Variants in FGF12 observed in about 807,000 individuals in gnomAD.
FGF12 encodes fibroblast growth factor 12, also known as fibroblast growth factor 12B.
FGF12 carries 14 observed loss-of-function variants against 23.6 expected under a neutral mutation model. That is an observed-to-expected ratio of 0.59 (90% CI 0.39 to 0.93). The LOEUF is 0.93. Ranked by LOEUF, FGF12 falls within the 40% of genes least tolerant of loss-of-function variation. The pLI is 0.00. For synonymous variants in FGF12, 62 were observed against 77.3 expected, an observed-to-expected ratio of 0.80 and a Z score of 1.04; for missense variants, 175 against 217.8, an observed-to-expected ratio of 0.80 and a Z score of 1.24.
intron 2 of FGF12, among the ~76,000 whole-genome samples, chr3:192,653,693 C>T (rs1716293018): frequency 6.7e-6 from 1 of 150,126 alleles, no homozygotes; most frequent in South Asian, 2.1e-4. Flanking sequence ...AAATAAAACT[C>T]TTTCAATATA....
chr3:192,370,886 A>T (rs1007441041), intron 2 of FGF12, among the ~76,000 whole-genome samples: 9 of 152,238 alleles, frequency 5.9e-5, no homozygotes, highest in Non-Finnish European at 1.2e-4. Context: ...ATCCGAATCA[A>T]TCGTCATCTT....
chr3:192,166,815 C>A (rs1433904707), intron 5 of FGF12, among the ~76,000 whole-genome samples: 1 of 151,878 alleles, frequency 6.6e-6, no homozygotes, highest in Admixed American at 6.6e-5. Context: ...AGGTGTTTGG[C>A]CTAAAACCAA....
chr3:192,562,578 A>T (rs2108595676), intron 2 of FGF12, among the ~76,000 whole-genome samples: 1 of 152,320 alleles, frequency 6.6e-6, no homozygotes, highest in East Asian at 1.9e-4. Flanking sequence ...TATATAGGCC[A>T]TCTTGTCGCC....
intron 4 of FGF12, among the ~76,000 whole-genome samples, chr3:192,235,487 C>T (rs1355234440): frequency 6.6e-6 from 1 of 152,068 alleles, no homozygotes; most frequent in Non-Finnish European, 1.5e-5. Flanking sequence ...CCACACCCAG[C>T]TAATTTTTGT....
At chr3:192,218,596 C>T (rs1020827015) in intron 4 of FGF12, among the ~76,000 whole-genome samples, 1 of 152,304 alleles carries the variant, frequency 6.6e-6, no homozygotes, top group East Asian at 1.9e-4. Flanking sequence ...TTCCTGAGGC[C>T]TCCCCAGAAG....
At chr3:192,636,302 A>T (rs1170150639) in intron 2 of FGF12, among the ~76,000 whole-genome samples, 1 of 152,234 alleles carries the variant, frequency 6.6e-6, no homozygotes. Context: ...ATTAAATAAA[A>T]GTTGAAATTT....
At chr3:192,371,068 C>T (rs985501180) in intron 2 of FGF12, among the ~76,000 whole-genome samples, 10 of 152,260 alleles carry the variant, frequency 6.6e-5, no homozygotes, top group African/African-American at 1.7e-4. Flanking sequence ...TGGTCTTTCT[C>T]AAATGATCAC....
Position 192,167,772 on chromosome 3 carries a change from A to ATATATATT in FGF12, c.427+2685_427+2686insAATATATA, listed in dbSNP as rs1715302128. On this transcript the variant is annotated intron_variant, in intron 5 of 5. Coordinates refer to ENST00000445105, the MANE Select transcript of FGF12 (RefSeq NM_004113.6). ...ATATATATATATATATATATATAAA[A>ATATATATT]TTTTTTTTTTTTTTTTTTTTTGAGA... is the stretch of plus-strand genomic sequence containing the variant. Among the ~76,000 whole-genome samples, 30 of 15,394 alleles carry ATATATATT rather than the reference A, an allele frequency of 1.9e-3. 3 individuals carry two copies. Among genetic ancestry groups the ATATATATT allele is most frequent in the African/African-American group, 4.5e-3 (20 of 4,466 alleles). The allele number at this position is 15,394 out of a possible 152,430, so 10.1% of individuals were successfully genotyped here.
At chr3:192,257,422 C>T (rs908773880) in intron 4 of FGF12, among the ~76,000 whole-genome samples, 1 of 152,130 alleles carries the variant, frequency 6.6e-6, no homozygotes, top group Non-Finnish European at 1.5e-5. Flanking sequence ...ATCCCTATAT[C>T]AGTTGCACAC....
intron 4 of FGF12, among the ~76,000 whole-genome samples, chr3:192,172,772 C>G (rs1037531286): frequency 6.6e-6 from 1 of 150,728 alleles, no homozygotes; most frequent in African/African-American, 2.4e-5. Flanking sequence ...CCACACAATC[C>G]AAAAATTCCA....
chr3:192,574,983 T>C (rs1712810429), intron 2 of FGF12, among the ~76,000 whole-genome samples: 1 of 152,222 alleles, frequency 6.6e-6, no homozygotes, highest in Admixed American at 6.5e-5. Context: ...TAATGGATAA[T>C]GTACACATCC....
chr3:192,562,174 T>G (rs1712071780), intron 2 of FGF12, among the ~76,000 whole-genome samples: 1 of 152,148 alleles, frequency 6.6e-6, no homozygotes, highest in Non-Finnish European at 1.5e-5. Context: ...TTCATTTATA[T>G]GCAATTCAAG....
intron 4 of FGF12, among the ~76,000 whole-genome samples, chr3:192,190,927 C>G (rs1014373515): frequency 3.3e-5 from 5 of 151,844 alleles, no homozygotes; most frequent in African/African-American, 1.2e-4. Flanking sequence ...TATTTATGAC[C>G]CTTATCTGAA....
At chr3:192,699,260 C>T (rs1188904078) in intron 2 of FGF12, among the ~76,000 whole-genome samples, 1 of 152,152 alleles carries the variant, frequency 6.6e-6, no homozygotes, top group Admixed American at 6.6e-5. Flanking sequence ...GCAACTCTTT[C>T]ATTTTGTTAT....
intron 2 of FGF12, among the ~76,000 whole-genome samples, chr3:192,437,752 G>C (rs1222825646): frequency 6.6e-6 from 1 of 151,816 alleles, no homozygotes; most frequent in Non-Finnish European, 1.5e-5. Flanking sequence ...TTACTTGCTA[G>C]TAACCCCCAG....
At chr3:192,647,704 TATATATACATATATATATACAC>T (rs1560180813) in intron 2 of FGF12, among the ~76,000 whole-genome samples, 1 of 138,246 alleles carries the variant, frequency 7.2e-6, no homozygotes, top group African/African-American at 2.7e-5. Context: ...TATATATGTG[TATATATACATATATATATACAC>T]ATATATACAT....
chr3:192,497,868 A>G (rs1213903925), intron 2 of FGF12, among the ~76,000 whole-genome samples: 1 of 152,196 alleles, frequency 6.6e-6, no homozygotes, highest in Non-Finnish European at 1.5e-5. Flanking sequence ...CAAGTTGTTT[A>G]TTTATTGTTT....
chr3:192,198,479 T>C (rs901755591), intron 4 of FGF12, among the ~76,000 whole-genome samples: 5 of 152,190 alleles, frequency 3.3e-5, no homozygotes, highest in African/African-American at 9.7e-5. Flanking sequence ...AATGTTGAAA[T>C]GCTGCTTTAC....
At chr3:192,187,587 C>T (rs1379183191) in intron 4 of FGF12, among the ~76,000 whole-genome samples, 3 of 152,140 alleles carry the variant, frequency 2.0e-5, no homozygotes, top group Admixed American at 1.3e-4. Flanking sequence ...ACAGTTTTTG[C>T]AGTCAAAGAA....
Sources: gnomAD v4.1 joint callset for allele counts (sites outside exome capture counted in the v4.1 genomes callset) on GRCh38, gnomAD v4.1.1 for gene constraint, MANE v1.5 for transcripts, NCBI Gene and HGNC (gene_info 2026-07-23, HGNC 2026-07-21) for gene names.